The following IMMP2L variants were observed in gnomAD, a reference collection of about 807,000 sequenced individuals.
The protein encoded by IMMP2L is mitochondrial inner membrane protease subunit 2.
A neutral mutation model predicts 19.3 loss-of-function variants in IMMP2L; 18 were observed. That is an observed-to-expected ratio of 0.93 (90% confidence interval 0.64 to 1.38). IMMP2L has a LOEUF of 1.38. Ranked by LOEUF, IMMP2L falls within the 40% of genes most tolerant of loss-of-function variation. IMMP2L has a pLI of 0.00. For synonymous variants in IMMP2L, 76 were observed against 73.0 expected, an observed-to-expected ratio of 1.04 and a Z score of -0.21; for missense variants, 233 against 218.2, an observed-to-expected ratio of 1.07 and a Z score of -0.43.
intron 3 of IMMP2L, among the ~76,000 whole-genome samples, chr7:111,162,377 C>T (rs371209867): frequency 6.6e-6 from 1 of 151,812 alleles, no homozygotes; most frequent in African/African-American, 2.4e-5. Flanking sequence ...GGTAAACACG[C>T]GCTCTTAGAG....
At chr7:110,970,891 C>G (rs1820073606) in intron 3 of IMMP2L, among the ~76,000 whole-genome samples, 1 of 152,136 alleles carries the variant, frequency 6.6e-6, no homozygotes, top group Admixed American at 6.6e-5. Context: ...TTCAGTTAAG[C>G]TAACCAGCTT....
chr7:111,121,500 C>T (rs1456192413), intron 3 of IMMP2L, among the ~76,000 whole-genome samples: 1 of 152,118 alleles, frequency 6.6e-6, no homozygotes, highest in Admixed American at 6.6e-5. Context: ...CACTGGCCAT[C>T]AGAGAAATGC....
chr7:111,373,890 A>G (rs993335815), intron 3 of IMMP2L, among the ~76,000 whole-genome samples: 11 of 152,114 alleles, frequency 7.2e-5, no homozygotes. Context: ...ATATTTGACA[A>G]GAATGGCTTA....
At chr7:111,249,351 G>T (rs1182757783) in intron 3 of IMMP2L, among the ~76,000 whole-genome samples, 2 of 141,758 alleles carry the variant, frequency 1.4e-5, no homozygotes, top group African/African-American at 2.7e-5. Flanking sequence ...CGCTTCCCAG[G>T]TGAGGCAATG....
intron 1 of IMMP2L, among the ~76,000 whole-genome samples, chr7:111,553,866 T>G (rs961813116): frequency 1.3e-5 from 2 of 152,232 alleles, no homozygotes; most frequent in Non-Finnish European, 2.9e-5. Context: ...AACATTTTAT[T>G]GTTATAATCA....
intron 3 of IMMP2L, among the ~76,000 whole-genome samples, chr7:110,996,149 T>C (rs1426102050): frequency 6.6e-6 from 1 of 152,140 alleles, no homozygotes; most frequent in Non-Finnish European, 1.5e-5. Flanking sequence ...ATAAGTGCTA[T>C]GACAAGTCAA....
chr7:111,093,019 G>T (rs1586210724), intron 3 of IMMP2L, among the ~76,000 whole-genome samples: 3 of 152,252 alleles, frequency 2.0e-5, no homozygotes, highest in Admixed American at 2.0e-4. Context: ...CAGCCACTTA[G>T]ATCCTGCCAC....
chr7:110,834,302 A>G (rs1054556480), intron 5 of IMMP2L, among the ~76,000 whole-genome samples: 4 of 152,158 alleles, frequency 2.6e-5, no homozygotes, highest in Non-Finnish European at 5.9e-5. Context: ...CTGTCATGTA[A>G]GAAATGGTCA....
At chr7:111,154,512 GTTATA>G (rs1471983530) in intron 3 of IMMP2L, among the ~76,000 whole-genome samples, 2 of 152,028 alleles carry the variant, frequency 1.3e-5, no homozygotes, top group Non-Finnish European at 2.9e-5. Flanking sequence ...CACTACAATT[GTTATA>G]TTAGACTTTC....
intron 5 of IMMP2L, among the ~76,000 whole-genome samples, chr7:110,674,326 C>T (rs1210142923): frequency 6.6e-6 from 1 of 152,114 alleles, no homozygotes; most frequent in Non-Finnish European, 1.5e-5. Context: ...TCCCATGACA[C>T]ATGGGGATTA....
At chr7:111,239,016 G>C (rs528492639) in intron 3 of IMMP2L, among the ~76,000 whole-genome samples, 15 of 152,034 alleles carry the variant, frequency 9.9e-5, no homozygotes, top group African/African-American at 3.6e-4. Flanking sequence ...TTCACCAATA[G>C]TGAAAACCAT....
intron 3 of IMMP2L, among the ~76,000 whole-genome samples, chr7:111,224,944 G>A (rs1402391629): frequency 6.6e-6 from 1 of 152,038 alleles, no homozygotes; most frequent in Non-Finnish European, 1.5e-5. Context: ...CAAATTAAAT[G>A]TGTTTTATTA....
rs1483048676 is a variant in IMMP2L, at chr7:111,156,763, T to C, written c.240-193198A>G. Among the ~76,000 whole-genome samples the C allele has an allele frequency of 2.0e-5, 3 of 152,040 alleles. No individual in the cohort carries two copies. The East Asian group carries it at 5.8e-4, about 29-fold the overall frequency. On this transcript the variant is annotated intron_variant, in intron 3 of 5. Transcript: ENST00000405709. ...TAGCACAGAGAAATACAACTGACTT[T>C]GTGTGCAGACCTTGTATCTAGTATT...
chr7:110,868,117 T>TTGTGTGTGTGTGTGTGTGTGTG (rs71151813), intron 5 of IMMP2L, among the ~76,000 whole-genome samples: 1,596 of 144,402 alleles, frequency 0.011, 14 homozygotes, highest in East Asian at 0.02. Flanking sequence ...CTTGTGAGGT[T>TTGTGTGTGTGTGTGTGTGTGTG]TGTGTGTGTG....
intron 4 of IMMP2L, among the ~76,000 whole-genome samples, chr7:110,894,367 AGTTTCT>A (rs1811113132): frequency 6.6e-6 from 1 of 152,130 alleles, no homozygotes; most frequent in East Asian, 1.9e-4. Context: ...AATGTTTAAG[AGTTTCT>A]GTTGTTCCAC....
intron 5 of IMMP2L, among the ~76,000 whole-genome samples, chr7:110,885,005 T>TA: frequency 6.6e-6 from 1 of 152,122 alleles, no homozygotes; most frequent in East Asian, 1.9e-4. Flanking sequence ...TGTGCCCTCA[T>TA]ACTATGTGAA....
intron 1 of IMMP2L, among the ~76,000 whole-genome samples, chr7:111,544,043 C>T (rs1848699875): frequency 6.6e-6 from 1 of 152,096 alleles, no homozygotes; most frequent in African/African-American, 2.4e-5. Context: ...AGGACAAATT[C>T]TATACTTAAA....
intron 1 of IMMP2L, among the ~76,000 whole-genome samples, chr7:111,537,527 CTTTTTTT>C (rs5886594): frequency 5.1e-5 from 4 of 78,554 alleles, no homozygotes; most frequent in African/African-American, 5.7e-5. Context: ...ATCACTTCCA[CTTTTTTT>C]TTTTTTTTTT....
chr7:110,748,992 T>C (rs1056141353), intron 5 of IMMP2L, among the ~76,000 whole-genome samples: 1 of 152,156 alleles, frequency 6.6e-6, no homozygotes, highest in Non-Finnish European at 1.5e-5. Context: ...ATTTTTGCAA[T>C]CTATCCATCT....
Sources: allele counts gnomAD v4.1 joint callset (sites outside exome capture counted in the v4.1 genomes callset), GRCh38; gene constraint gnomAD v4.1.1; transcripts MANE v1.5; gene names NCBI Gene and HGNC (gene_info 2026-07-23, HGNC 2026-07-21).